AHCYL2: variants seen among roughly 807,000 people sequenced by gnomAD.
AHCYL2 encodes the protein adenosylhomocysteinase like 2, also known as S-adenosylhomocysteine hydrolase-like protein 2.
In AHCYL2, 28 loss-of-function variants were observed where a neutral mutation model predicts 81.4. The ratio of observed to expected loss-of-function variants is 0.34; its 90% CI spans 0.25 to 0.47. The LOEUF (loss-of-function observed/expected upper bound fraction) is 0.47. Among genes scored for constraint, AHCYL2 ranks in the 20% least tolerant of loss-of-function variants. The pLI, the probability that AHCYL2 is intolerant of heterozygous loss-of-function variation, is 1.00. For synonymous variants in AHCYL2, 272 were observed against 290.2 expected, an observed-to-expected ratio of 0.94 and a Z score of 0.64; for missense variants, 551 against 785.1, an observed-to-expected ratio of 0.70 and a Z score of 3.56.
chr7:129,320,319 CTGTT>C (rs547241604), intron 1 of AHCYL2, among the ~76,000 whole-genome samples: 42 of 152,016 alleles, frequency 2.8e-4, no homozygotes, highest in Non-Finnish European at 4.9e-4. Context: ...CTTTTTATCA[CTGTT>C]TGTTTGTTTG....
In AHCYL2 at chr7:129,251,320, T is replaced by A. The variant is rs1489197876; in HGVS notation, c.363+25881T>A. 2.2e-3 allele frequency among the ~76,000 whole-genome samples: 8 copies of A among 3,702 alleles called. No individual in the cohort carries two copies. The Non-Finnish European group carries it at 0.059, about 27-fold the overall frequency. 2.4% of individuals were successfully genotyped at this position (3,702 alleles called of 152,430 possible). On this transcript the variant is annotated intron_variant, in intron 1 of 16. Coordinates refer to ENST00000325006, the MANE Select transcript of AHCYL2 (RefSeq NM_015328.4). Reference sequence around the variant, plus strand: ...TAACAGCTGGCAGATAGTAAAGATTTTTTTTTTTTTTTTTTTTTTTTTAAA... The same window carrying A: ...TAACAGCTGGCAGATAGTAAAGATTATTTTTTTTTTTTTTTTTTTTTTAAA...
chr7:129,405,910 A>C lies in AHCYL2; in HGVS notation c.1206+11A>C, dbSNP rs375922127. 1.2e-6 allele frequency: 2 copies of C among 1,611,186 alleles called. No homozygotes were observed. Among genetic ancestry groups the C allele is most frequent in the Non-Finnish European group, 1.7e-6 (2 of 1,178,798 alleles). On this transcript the variant is annotated intron_variant, in intron 9 of 16. Coordinates refer to ENST00000325006, the MANE Select transcript of AHCYL2 (RefSeq NM_015328.4). ...TGTGGCTATGGAGAGGTGAAGTTTA[A>C]CCTTTTGTTTATTAGGTGTTTTAAA...
Position 129,406,408 on chromosome 7 carries a change from G to A in AHCYL2, c.1237G>A (p.Ala413Thr), listed in dbSNP as rs778480890. The change falls in exon 10 of 17, where the codon GCC (alanine) becomes ACC (threonine). Residue 413 changes from alanine to threonine, a missense_variant. By Grantham distance (58) the Ala-to-Thr change is moderately conservative. Around this residue, in one of 2 missense-constraint regions of AHCYL2, gnomAD observed 316 missense variants for 543.1 expected, o/e 0.58. Transcript: ENST00000325006. The surrounding 1 kb of genome is among the most constrained non-coding windows in gnomAD (Gnocchi z 4.3). ...VGKGCCAALK[A>T]MGSIVYVTEI... ...GAAAGGGTGCTGTGCTGCCCTGAAA[G>A]CCATGGGCTCCATTGTGTATGTAAC... 6.2e-7 allele frequency: 1 copy of A among 1,614,004 alleles called. No homozygotes were observed. The highest frequency in any genetic ancestry group is 8.5e-7 in the Non-Finnish European group (1 of 1,179,990).
intron 1 of AHCYL2, among the ~76,000 whole-genome samples, chr7:129,379,281 A>G (rs1279026393): frequency 6.8e-6 from 1 of 146,670 alleles, no homozygotes; most frequent in Non-Finnish European, 1.5e-5. Context: ...GTCCATCTCA[A>G]AAAAAAAAAA....
At chr7:129,275,055 AAGATTT>A (rs1306607929) in intron 1 of AHCYL2, among the ~76,000 whole-genome samples, 1 of 152,148 alleles carries the variant, frequency 6.6e-6, no homozygotes, top group African/African-American at 2.4e-5. Context: ...TAACACTACT[AAGATTT>A]AGAATAGTTT....
chr7:129,388,123 A>T (rs1795285239), intron 2 of AHCYL2: 1 of 152,182 alleles, frequency 6.6e-6, no homozygotes, highest in Non-Finnish European at 1.5e-5. Flanking sequence ...TTCCATTGAG[A>T]GATACAAAGC....
intron 1 of AHCYL2, among the ~76,000 whole-genome samples, chr7:129,261,893 C>G (rs1351089431): frequency 6.6e-6 from 1 of 152,124 alleles, no homozygotes; most frequent in Non-Finnish European, 1.5e-5. Context: ...TTCCTCTTAA[C>G]CATTTGCATT....
At chr7:129,294,673 A>G (rs565440587) in intron 1 of AHCYL2, among the ~76,000 whole-genome samples, 12 of 152,356 alleles carry the variant, frequency 7.9e-5, no homozygotes, top group Non-Finnish European at 1.8e-4. Context: ...TCATCTGAAC[A>G]GGATATCTTT....
intron 1 of AHCYL2, among the ~76,000 whole-genome samples, chr7:129,313,892 A>C (rs1381018072): frequency 6.6e-6 from 1 of 152,232 alleles, no homozygotes; most frequent in African/African-American, 2.4e-5. Flanking sequence ...GAGTCTTCCA[A>C]TTAATGGCAG....
chr7:129,336,222 C>A (rs146930371), intron 1 of AHCYL2, among the ~76,000 whole-genome samples: 107 of 152,140 alleles, frequency 7.0e-4, no homozygotes, highest in African/African-American at 2.4e-3. Context: ...TGCATGCCAC[C>A]ATGCCTGGCT....
At chr7:129,402,528 A>T (rs1038117522) in intron 6 of AHCYL2, among the ~76,000 whole-genome samples, 5 of 152,188 alleles carry the variant, frequency 3.3e-5, no homozygotes, top group Non-Finnish European at 2.9e-5. Flanking sequence ...GAGTCCTGCT[A>T]AACACTTCTG....
chr7:129,371,683 A>G (rs1032172420), intron 1 of AHCYL2, among the ~76,000 whole-genome samples: 2 of 152,214 alleles, frequency 1.3e-5, no homozygotes, highest in African/African-American at 4.8e-5. Flanking sequence ...ACTGACATGC[A>G]TGGAGATCAG....
chr7:129,225,245 GCGGAGCGGCCCCCGGTCCC>G lies in AHCYL2; in HGVS notation c.173_191del (p.Glu58AlafsTer23), dbSNP rs1794165246. The G allele has an allele frequency of 6.8e-7, 1 of 1,468,480 alleles. No homozygotes were observed. 91.0% of individuals were successfully genotyped at this position (1,468,480 alleles called of 1,614,324 possible). On this transcript the variant is annotated frameshift_variant, in exon 1 of 17. Coordinates refer to ENST00000325006, the MANE Select transcript of AHCYL2 (RefSeq NM_015328.4). LOFTEE classifies it high-confidence loss of function. Reference sequence around the variant, plus strand: ...AGACCCTGAGGCTCCAGCTCCCGCCGCGGAGCGGCCCCCGGTCCCCGGCCCGGGCTCGGGGCCCGCCGCC... The same window carrying G: ...AGACCCTGAGGCTCCAGCTCCCGCCGCGGCCCGGGCTCGGGGCCCGCCGCC...
intron 1 of AHCYL2, among the ~76,000 whole-genome samples, chr7:129,308,070 C>T (rs192287906): frequency 2.0e-4 from 30 of 151,998 alleles, no homozygotes; most frequent in African/African-American, 6.0e-4. Context: ...GGAGGGGTGA[C>T]GCAAGCACTC....
chr7:129,404,338 A>G (rs1412791309), intron 7 of AHCYL2, among the ~76,000 whole-genome samples: 5 of 152,160 alleles, frequency 3.3e-5, no homozygotes, highest in African/African-American at 1.2e-4. Context: ...GATCATTTCT[A>G]TGATTTATTT....
rs777767469 is a variant in AHCYL2, at chr7:129,368,473, A to T, written c.364-11165A>T. The T allele has an allele frequency of 1.2e-6, 2 of 1,613,990 alleles. No individual in the cohort carries two copies. The highest frequency in any genetic ancestry group is 1.3e-5 in the African/African-American group (1 of 75,050). On this transcript the variant is annotated intron_variant, in intron 1 of 16. Transcript: ENST00000325006. The surrounding 1 kb of genome is among the most constrained non-coding windows in gnomAD (Gnocchi z 4.4). ...CCAGCTTTCCCTTTTGCTTCAGGAC[A>T]TATCTTACCCAAGCCTGCACTATGG...
At chr7:129,244,780 C>T (rs1212361607) in intron 1 of AHCYL2, among the ~76,000 whole-genome samples, 1 of 152,118 alleles carries the variant, frequency 6.6e-6, no homozygotes, top group Non-Finnish European at 1.5e-5. Flanking sequence ...TCTAATGCCG[C>T]CTTCTGATAT....
At chr7:129,405,262 C>G in intron 8 of AHCYL2, 49 bp downstream of exon 8, 2 of 1,433,988 alleles carry the variant, frequency 1.4e-6, no homozygotes, top group Non-Finnish European at 1.9e-6. Flanking sequence ...AGTTGAGATT[C>G]TAAGTTTTTT....
At chr7:129,389,866 T>C in intron 4 of AHCYL2, 132 bp downstream of exon 4, 1 of 615,992 alleles carries the variant, frequency 1.6e-6, no homozygotes, top group Non-Finnish European at 2.6e-6. Flanking sequence ...ATAATGGCCA[T>C]ATAAAGCAGG....
Sources: gnomAD v4.1 joint callset for allele counts (sites outside exome capture counted in the v4.1 genomes callset) on GRCh38, gnomAD v4.1.1 for gene constraint, gnomAD v4.1.1 regional missense constraint, Gnocchi (gnomAD v3.1) non-coding constraint, MANE v1.5 for transcripts, NCBI Gene and HGNC (gene_info 2026-07-23, HGNC 2026-07-21) for gene names.